VAV3: variants seen among roughly 807,000 people sequenced by gnomAD.
VAV3 encodes the protein guanine nucleotide exchange factor VAV3.
In VAV3, 94 loss-of-function variants were observed where a neutral mutation model predicts 131.2. The ratio of observed to expected loss-of-function variants is 0.72; its 90% CI spans 0.61 to 0.85. The LOEUF (loss-of-function observed/expected upper bound fraction) is 0.85, where lower values mean the gene tolerates loss of function less well. Among genes scored for constraint, VAV3 ranks in the 40% least tolerant of loss-of-function variants. The pLI is 0.00. For missense variants in VAV3, 939 were observed against 1,002.7 expected (o/e 0.94, Z 0.86); for synonymous variants, 349 against 342.0 (o/e 1.02, Z -0.22).
intron 1 of VAV3, among the ~76,000 whole-genome samples, chr1:107,913,737 G>T (rs191077387): frequency 3.9e-5 from 6 of 152,256 alleles, no homozygotes; most frequent in African/African-American, 1.4e-4. Context: ...TGGCAGAGTG[G>T]AGTATTAAGG....
chr1:107,829,703 A>T (rs1264547583), intron 2 of VAV3, among the ~76,000 whole-genome samples: 1 of 152,214 alleles, frequency 6.6e-6, no homozygotes, highest in African/African-American at 2.4e-5. Context: ...ACTCAAATGC[A>T]TATATGAGAA....
At chr1:107,947,708 C>G (rs1674336352) in intron 1 of VAV3, among the ~76,000 whole-genome samples, 1 of 152,212 alleles carries the variant, frequency 6.6e-6, no homozygotes, top group Non-Finnish European at 1.5e-5. Flanking sequence ...ATATAACATG[C>G]TGCCTCCCAC....
intron 2 of VAV3, among the ~76,000 whole-genome samples, chr1:107,791,427 A>G (rs962679183): frequency 1.3e-5 from 2 of 151,910 alleles, no homozygotes. Context: ...GTGATAGAGT[A>G]CACATGTGAA....
At position 107,964,761 on chromosome 1, in the gene VAV3, G is replaced by C. The variant is rs781153582; in HGVS notation, c.109C>G (p.Leu37Val). Residue 37 changes from leucine (L) to valine (V), a missense_variant, in exon 1 of 27, where the codon CTC (leucine) becomes GTC (valine). Transcript: ENST00000370056. ...TGGCAGAGCAGGACTCCATCGCGGAGGGTCTGCGCAAGGTCGAACACCTGA... is the reference window on the plus strand; with the variant it reads ...TGGCAGAGCAGGACTCCATCGCGGACGGTCTGCGCAAGGTCGAACACCTGA... ...SAQVFDLAQT[L>V]RDGVLLCQLL... is the part of the protein sequence containing the mutation. The C allele has an allele frequency of 6.2e-6, 10 of 1,614,032 alleles. No homozygotes were observed. The highest frequency in any genetic ancestry group is 2.2e-5 in the South Asian group (2 of 91,084).
intron 15 of VAV3, among the ~76,000 whole-genome samples, chr1:107,714,959 G>A (rs1661007491): frequency 1.3e-5 from 2 of 152,058 alleles, no homozygotes; most frequent in Non-Finnish European, 2.9e-5. Flanking sequence ...GCATTTCAGT[G>A]ACATTGCAAA....
At chr1:107,941,832 G>A (rs1674010440) in intron 1 of VAV3, among the ~76,000 whole-genome samples, 1 of 152,080 alleles carries the variant, frequency 6.6e-6, no homozygotes, top group African/African-American at 2.4e-5. Flanking sequence ...AAATCTCCCA[G>A]ATGACAGAGA....
At chr1:107,696,005 CT>C (rs1659719692) in intron 17 of VAV3, among the ~76,000 whole-genome samples, 1 of 152,254 alleles carries the variant, frequency 6.6e-6, no homozygotes, top group Non-Finnish European at 1.5e-5. Flanking sequence ...CATGCTCCCC[CT>C]CTTAAATTTT....
rs75329226 is a variant in VAV3, at chr1:107,597,915, T to G, written c.2221-1574A>C. Among the ~76,000 whole-genome samples the G allele has an allele frequency of 2.8e-4, 42 of 152,258 alleles. No individual in the cohort carries two copies. The East Asian group carries it at 7.5e-3, about 27-fold the overall frequency. On this transcript the variant is annotated intron_variant, in intron 24 of 26. Coordinates refer to ENST00000370056, the MANE Select transcript of VAV3 (RefSeq NM_006113.5). Reference sequence around the variant, plus strand: ...CCTTATAACTTTCACTCAAGAACATTATGAAATGGGCCTTATTCCCATTGA... The same window carrying G: ...CCTTATAACTTTCACTCAAGAACATGATGAAATGGGCCTTATTCCCATTGA...
At chr1:107,662,967 T>G (rs1283320715) in intron 19 of VAV3, among the ~76,000 whole-genome samples, 2 of 152,190 alleles carry the variant, frequency 1.3e-5, no homozygotes, top group African/African-American at 4.8e-5. Flanking sequence ...GCTGGTCTTG[T>G]CCTCCTGAAG....
chr1:107,626,025 A>G (rs74931935), intron 20 of VAV3, among the ~76,000 whole-genome samples: 29,544 of 152,230 alleles, frequency 0.19, 2,985 homozygotes, highest in Non-Finnish European at 0.23. Flanking sequence ...GCAGGAAAAA[A>G]AAAGAGATAA....
chr1:107,717,907 T>C lies in VAV3; in HGVS notation c.1503-12846A>G, dbSNP rs551262021. ...TGTAGGTATCTAAGGACTTGCTTTA[T>C]GAATCTGGGTGCTCCTGTATTGGGT... On this transcript the variant is annotated intron_variant, in intron 15 of 26. Coordinates refer to ENST00000370056, the MANE Select transcript of VAV3 (RefSeq NM_006113.5). Among the ~76,000 whole-genome samples, 250 of 152,316 alleles carry C rather than the reference T, an allele frequency of 1.6e-3. 1 individual carries two copies. Among genetic ancestry groups the C allele is most frequent in the African/African-American group, 5.7e-3 (237 of 41,572 alleles).
chr1:107,952,813 GCAGA>G (rs1571186496), intron 1 of VAV3, among the ~76,000 whole-genome samples: 1 of 152,084 alleles, frequency 6.6e-6, no homozygotes, highest in African/African-American at 2.4e-5. Context: ...CCAACATTGA[GCAGA>G]CAATGTGATG....
chr1:107,671,836 G>A (rs1051294355), intron 19 of VAV3, among the ~76,000 whole-genome samples: 13 of 152,008 alleles, frequency 8.6e-5, no homozygotes, highest in African/African-American at 2.7e-4. Flanking sequence ...TGTTTAAAAC[G>A]TAATTTCCTA....
intron 1 of VAV3, among the ~76,000 whole-genome samples, chr1:107,917,986 G>C (rs1672703011): frequency 6.6e-6 from 1 of 152,174 alleles, no homozygotes; most frequent in South Asian, 2.1e-4. Context: ...GGTAGTAATA[G>C]AATAGAATAA....
intron 20 of VAV3, among the ~76,000 whole-genome samples, chr1:107,623,001 G>C (rs2101282900): frequency 6.6e-6 from 1 of 152,294 alleles, no homozygotes. Flanking sequence ...CAGCAAAGAG[G>C]AAGTGATCAG....
chr1:107,797,866 G>A (rs1178272063), intron 2 of VAV3, among the ~76,000 whole-genome samples: 3 of 152,096 alleles, frequency 2.0e-5, no homozygotes, highest in Non-Finnish European at 4.4e-5. Flanking sequence ...AGATTGCTGG[G>A]CTTCACCACC....
At chr1:107,768,614 G>C (rs949272996) in intron 6 of VAV3, 105 bp from the exon 7 acceptor site, 1 of 915,160 alleles carries the variant, frequency 1.1e-6, no homozygotes, top group African/African-American at 1.7e-5. Context: ...GTCAATTGTT[G>C]ATCAGCATTA....
At chr1:107,757,051 T>C (rs1046872085) in intron 11 of VAV3, among the ~76,000 whole-genome samples, 3 of 147,574 alleles carry the variant, frequency 2.0e-5, no homozygotes, top group Non-Finnish European at 3.0e-5. Flanking sequence ...AAAAAAAAAA[T>C]CCAGTTTTCT....
chr1:107,936,322 A>G (rs1673708075), intron 1 of VAV3, among the ~76,000 whole-genome samples: 2 of 152,190 alleles, frequency 1.3e-5, no homozygotes, highest in East Asian at 3.8e-4. Context: ...AAAATTCTAT[A>G]TTTAATATAT....
Sources: allele counts gnomAD v4.1 joint callset (sites outside exome capture counted in the v4.1 genomes callset), GRCh38; gene constraint gnomAD v4.1.1; transcripts MANE v1.5; gene names NCBI Gene and HGNC (gene_info 2026-07-23, HGNC 2026-07-21).